The following SYT1 variants were observed in gnomAD, a reference collection of about 807,000 sequenced individuals.
SYT1 encodes the protein synaptotagmin-1.
A neutral mutation model predicts 44.8 loss-of-function variants in SYT1; 8 were observed. The ratio of observed to expected loss-of-function variants is 0.18; its 90% CI spans 0.10 to 0.32. SYT1 has a LOEUF of 0.32. Ranked by LOEUF, SYT1 falls within the 10% of genes least tolerant of loss-of-function variation. SYT1 has a pLI of 1.00. For missense variants in SYT1, 286 were observed against 509.3 expected (o/e 0.56, Z 4.22); for synonymous variants, 154 against 188.8 (o/e 0.82, Z 1.51).
intron 4 of SYT1, among the ~76,000 whole-genome samples, chr12:79,250,076 T>G (rs1644462264): frequency 6.6e-6 from 1 of 152,218 alleles, no homozygotes; most frequent in African/African-American, 2.4e-5. Flanking sequence ...AATATTATCA[T>G]TATTTCCATT....
At position 79,360,503 on chromosome 12, in the gene SYT1, G is replaced by A. The variant is rs372669777; in HGVS notation, c.928+6884G>A. On this transcript the variant is annotated intron_variant, in intron 9 of 10. Transcript: ENST00000261205. ...AAAACACTCCAAATTCAATTGATGT[G>A]AACTAAAAGCCACCAGTCTGGGAGC... is the stretch of plus-strand genomic sequence containing the variant. Among the ~76,000 whole-genome samples the A allele has an allele frequency of 4.6e-5, 7 of 152,208 alleles. 1 individual carries two copies. Among genetic ancestry groups the A allele is most frequent in the Admixed American group, 3.3e-4 (5 of 15,278 alleles).
At chr12:78,980,833 G>A (rs1360382183) in intron 2 of SYT1, among the ~76,000 whole-genome samples, 4 of 152,022 alleles carry the variant, frequency 2.6e-5, no homozygotes, top group Admixed American at 6.6e-5. Context: ...ATAAATAAAT[G>A]AGAAATTAAA....
chr12:78,872,269 G>T (rs1202343211), intron 1 of SYT1, among the ~76,000 whole-genome samples: 1 of 151,590 alleles, frequency 6.6e-6, no homozygotes, highest in Admixed American at 6.6e-5. Flanking sequence ...TTTTTCTGGA[G>T]AATCTTAGAT....
intron 3 of SYT1, among the ~76,000 whole-genome samples, chr12:79,145,999 C>A (rs527782517): frequency 6.6e-6 from 1 of 152,002 alleles, no homozygotes. Flanking sequence ...CCTCGTGATC[C>A]GCCCGCCTCG....
chr12:78,894,768 GT>G (rs937411153), intron 1 of SYT1, among the ~76,000 whole-genome samples: 1 of 151,640 alleles, frequency 6.6e-6, no homozygotes, highest in African/African-American at 2.4e-5. Context: ...AGACTGGGAG[GT>G]GGGGATGGGG....
At chr12:79,245,473 C>CAAAAAAA (rs1273397377) in intron 4 of SYT1, among the ~76,000 whole-genome samples, 420 of 36,930 alleles carry the variant, frequency 0.011, no homozygotes, top group Middle Eastern at 0.017. Context: ...ACTCCGTCAA[C>CAAAAAAA]AAAAAAAAAA....
intron 1 of SYT1, among the ~76,000 whole-genome samples, chr12:78,867,808 C>T (rs554762260): frequency 5.9e-5 from 9 of 151,808 alleles, no homozygotes; most frequent in Non-Finnish European, 1.2e-4. Flanking sequence ...AAATGAATAA[C>T]ATTGTATTTA....
chr12:79,245,988 G>A (rs959547434), intron 4 of SYT1, among the ~76,000 whole-genome samples: 2 of 151,912 alleles, frequency 1.3e-5, no homozygotes, highest in Non-Finnish European at 2.9e-5. Context: ...ATCAGCCCCT[G>A]CACCATAGTA....
At chr12:79,104,813 A>C (rs1364017423) in intron 3 of SYT1, among the ~76,000 whole-genome samples, 1 of 152,088 alleles carries the variant, frequency 6.6e-6, no homozygotes, top group Admixed American at 6.6e-5. Context: ...GAAAGAGGAG[A>C]GAATGGGGCC....
intron 3 of SYT1, among the ~76,000 whole-genome samples, chr12:79,200,227 A>G (rs935659608): frequency 2.6e-5 from 4 of 152,144 alleles, no homozygotes; most frequent in Non-Finnish European, 5.9e-5. Context: ...AAGATACCAG[A>G]TCTGAGAAAA....
chr12:78,904,693 A>C (rs1875862738), intron 1 of SYT1, among the ~76,000 whole-genome samples: 1 of 152,166 alleles, frequency 6.6e-6, no homozygotes, highest in African/African-American at 2.4e-5. Flanking sequence ...AATCTGCTCC[A>C]TTACATGAGT....
intron 2 of SYT1, among the ~76,000 whole-genome samples, chr12:79,041,265 G>A (rs1873547236): frequency 6.6e-6 from 1 of 152,072 alleles, no homozygotes; most frequent in African/African-American, 2.4e-5. Context: ...AGCATGGAAT[G>A]TTCTTCCATT....
intron 10 of SYT1, among the ~76,000 whole-genome samples, chr12:79,446,281 A>G (rs1668434630): frequency 2.0e-5 from 3 of 151,730 alleles, no homozygotes; most frequent in Admixed American, 2.0e-4. Context: ...CATCATCATC[A>G]TTATTATTCA....
In SYT1 at chr12:79,351,814, G is replaced by A. The variant is rs369630051; in HGVS notation, c.811-1688G>A. On this transcript the variant is annotated intron_variant, in intron 8 of 10. Transcript: ENST00000261205. ...TTATTATTTATATTAGTGAAAGGGG[G>A]TTATGACCTAGATAATTCAAAACAG... is the stretch of plus-strand genomic sequence containing the variant. 3.1e-3 allele frequency among the ~76,000 whole-genome samples: 479 copies of A among 152,146 alleles called. 4 individuals are homozygous for A. Among genetic ancestry groups the A allele is most frequent in the Middle Eastern group, 0.014 (4 of 294 alleles).
intron 3 of SYT1, among the ~76,000 whole-genome samples, chr12:79,102,696 G>C (rs1288910495): frequency 1.3e-5 from 2 of 152,148 alleles, no homozygotes; most frequent in Non-Finnish European, 2.9e-5. Flanking sequence ...GTGTGCAACT[G>C]TTTGTATAAA....
intron 4 of SYT1, among the ~76,000 whole-genome samples, chr12:79,278,630 C>T (rs963953844): frequency 2.0e-5 from 3 of 151,786 alleles, no homozygotes; most frequent in Non-Finnish European, 4.4e-5. Flanking sequence ...CAAACCAAAC[C>T]CAAACCTAGC....
intron 8 of SYT1, among the ~76,000 whole-genome samples, chr12:79,343,339 G>A (rs776067715): frequency 2.6e-5 from 4 of 152,184 alleles, no homozygotes; most frequent in Non-Finnish European, 5.9e-5. Flanking sequence ...GAGGATAGTT[G>A]AAATAGGAAT....
At chr12:79,136,374 G>A (rs112765187) in intron 3 of SYT1, among the ~76,000 whole-genome samples, 12 of 152,168 alleles carry the variant, frequency 7.9e-5, no homozygotes, top group African/African-American at 2.9e-4. Flanking sequence ...GCTCACAAGA[G>A]TGAGGCTGGA....
At chr12:78,904,378 T>A (rs1409585868) in intron 1 of SYT1, among the ~76,000 whole-genome samples, 1 of 152,122 alleles carries the variant, frequency 6.6e-6, no homozygotes, top group Admixed American at 6.6e-5. Flanking sequence ...AATATAAAAT[T>A]TGAATTTTTT....
Sources: gnomAD v4.1 joint callset for allele counts (sites outside exome capture counted in the v4.1 genomes callset) on GRCh38, gnomAD v4.1.1 for gene constraint, MANE v1.5 for transcripts, NCBI Gene and HGNC (gene_info 2026-07-23, HGNC 2026-07-21) for gene names.